The following EPS8 variants were observed in gnomAD, a reference collection of about 807,000 sequenced individuals.
EPS8 encodes EGFR pathway substrate 8, signaling adaptor.
EPS8 carries 42 observed loss-of-function variants against 103.8 expected under a neutral mutation model. That is an observed-to-expected ratio of 0.40 (90% CI 0.32 to 0.52). The LOEUF (loss-of-function observed/expected upper bound fraction) is 0.52. EPS8 is among the 20% of genes least tolerant of loss of function. The pLI is 0.40. For missense variants in EPS8, 969 were observed against 1,005.1 expected, an observed-to-expected ratio of 0.96 and a Z score of 0.49; for synonymous variants, 344 against 344.6, an observed-to-expected ratio of 1.00 and a Z score of 0.02.
intron 1 of EPS8, among the ~76,000 whole-genome samples, chr12:15,692,832 A>C (rs1030051288): frequency 9.9e-5 from 15 of 151,660 alleles, no homozygotes; most frequent in African/African-American, 3.2e-4. Context: ...ATTTTTCAGG[A>C]GTACATTTTT....
chr12:15,624,423 G>A lies in EPS8; in HGVS notation c.2045-16C>T, dbSNP rs1944911163. ...GATTTCCTTCCTAGACACCAACAGG[G>A]AGTAGGTTCTTTTTGAAAATCCCTA... On this transcript the variant is annotated splice_polypyrimidine_tract_variant and intron_variant, in intron 18 of 20. Coordinates refer to ENST00000281172, the MANE Select transcript of EPS8 (RefSeq NM_004447.6). 8 of 1,526,814 alleles carry A rather than the reference G, an allele frequency of 5.2e-6. No individual in the cohort carries two copies. Among genetic ancestry groups the A allele is most frequent in the Non-Finnish European group, 7.0e-6 (8 of 1,135,992 alleles). The allele number at this position is 1,526,814 out of a possible 1,614,324, so 94.6% of individuals were successfully genotyped here.
chr12:15,661,210 C>T (rs1037887669), intron 9 of EPS8, among the ~76,000 whole-genome samples: 1 of 152,120 alleles, frequency 6.6e-6, no homozygotes, highest in Non-Finnish European at 1.5e-5. Context: ...AGAGTTTCCA[C>T]ATGACAAAAT....
rs1246550567 is a variant in EPS8 at position 15,713,007 on chromosome 12, A to C, written c.-21-30035T>G. ...TTTCGGCATTGTACTGTACCAAACA[A>C]AATTTCTGATTTGGTTTCTCTAGGG... On this transcript the variant is annotated intron_variant, in intron 1 of 20. Transcript: ENST00000281172. The surrounding 1 kb of genome is among the most constrained non-coding windows in gnomAD (Gnocchi z 4.8). 1.0e-6 allele frequency: 1 copy of C among 985,156 alleles called. No homozygotes were observed. Among genetic ancestry groups the C allele is most frequent in the Non-Finnish European group, 1.2e-6 (1 of 829,806 alleles). 61.0% of individuals were successfully genotyped at this position (985,156 alleles called of 1,614,324 possible).
intron 8 of EPS8, chr12:15,665,089 C>T (rs1002026949): frequency 1.3e-5 from 2 of 152,072 alleles, no homozygotes; most frequent in Non-Finnish European, 2.9e-5. Flanking sequence ...ATATGACAAA[C>T]TTGTCCAAAA....
chr12:15,675,034 GAGAA>G (rs1945879921), intron 3 of EPS8, among the ~76,000 whole-genome samples: 1 of 152,136 alleles, frequency 6.6e-6, no homozygotes. Context: ...TAGACAAGAA[GAGAA>G]AGAAAGCTAG....
Position 15,776,272 on chromosome 12 carries a change from G to C in EPS8, c.-22+12889C>G, listed in dbSNP as rs1367904126. Among the ~76,000 whole-genome samples, 6 of 152,084 alleles carry C rather than the reference G, an allele frequency of 3.9e-5. No individual in the cohort carries two copies. The highest frequency in any genetic ancestry group is 7.4e-5 in the Non-Finnish European group (5 of 68,010). ...CTAGAAGCTTTTAAATGTAATTTTG[G>C]GGGGAAATAATACACTTCTGGCTGA... On this transcript the variant is annotated intron_variant, in intron 1 of 20. Transcript: ENST00000281172. This position sits in a 1 kb window ranked among gnomAD's most constrained non-coding sequence, Gnocchi z 4.2.
rs895984279 is a variant in EPS8 at position 15,748,771 on chromosome 12, T to C, written c.-22+40390A>G. On this transcript the variant is annotated intron_variant, in intron 1 of 20. Coordinates refer to ENST00000281172, the MANE Select transcript of EPS8 (RefSeq NM_004447.6). The surrounding 1 kb of genome is among the most constrained non-coding windows in gnomAD (Gnocchi z 4.8). ...CAATGTATAACAGATCTAAGCTTTT[T>C]CTCTTTTATTCACATATCCTCCTGA... is the stretch of plus-strand genomic sequence containing the variant. Among the ~76,000 whole-genome samples the C allele has an allele frequency of 6.6e-6, 1 of 152,178 alleles. No individual in the cohort carries two copies. Among genetic ancestry groups the C allele is most frequent in the Non-Finnish European group, 1.5e-5 (1 of 68,016 alleles).
rs901907170 is a variant in EPS8, at chr12:15,752,103, C to A, written c.-22+37058G>T. Among the ~76,000 whole-genome samples the A allele has an allele frequency of 1.3e-5, 2 of 152,170 alleles. No individual in the cohort carries two copies. The highest frequency in any genetic ancestry group is 2.4e-5 in the African/African-American group (1 of 41,430). ...CTGAGACACAAAGTTAATACAGAAT[C>A]ATTAGCAATGGTACTTGATATCAAG... On this transcript the variant is annotated intron_variant, in intron 1 of 20. Transcript: ENST00000281172. This position sits in a 1 kb window ranked among gnomAD's most constrained non-coding sequence, Gnocchi z 4.4.
At position 15,789,220 on chromosome 12, in the gene EPS8, G is replaced by A. The variant is rs1340131497; in HGVS notation, c.-81C>T. ...GAGACGCCGCGAGCCCAGACGAGGT[G>A]GGAGGGGACCGGGAGAAAGCCCCCC... On this transcript the variant is annotated 5_prime_UTR_variant, in exon 1 of 21. Coordinates refer to ENST00000281172, the MANE Select transcript of EPS8 (RefSeq NM_004447.6). This position sits in a 1 kb window ranked among gnomAD's most constrained non-coding sequence, Gnocchi z 6.1. The A allele has an allele frequency of 6.6e-6, 1 of 152,186 alleles. No individual in the cohort carries two copies. The highest frequency in any genetic ancestry group is 1.5e-5 in the Non-Finnish European group (1 of 68,062). The allele number at this position is 152,186 out of a possible 1,614,324, so 9.4% of individuals were successfully genotyped here.
intron 18 of EPS8, among the ~76,000 whole-genome samples, chr12:15,628,662 A>G (rs996984122): frequency 2.6e-5 from 4 of 152,212 alleles, no homozygotes; most frequent in Non-Finnish European, 5.9e-5. Flanking sequence ...GACTTCCACA[A>G]AAGGGCTTCA....
chr12:15,622,189 T>G (rs1276308565), intron 20 of EPS8, among the ~76,000 whole-genome samples: 1 of 152,270 alleles, frequency 6.6e-6, no homozygotes, highest in Non-Finnish European at 1.5e-5. Flanking sequence ...AATTATATAC[T>G]CTCAACAAAA....
chr12:15,656,753 T>C (rs1373128366), intron 12 of EPS8, among the ~76,000 whole-genome samples: 1 of 152,140 alleles, frequency 6.6e-6, no homozygotes, highest in South Asian at 2.1e-4. Flanking sequence ...AATTTTGATA[T>C]GTTTAAAACT....
intron 1 of EPS8, among the ~76,000 whole-genome samples, chr12:15,686,998 TAA>T (rs771162409): frequency 3.3e-4 from 51 of 152,280 alleles, no homozygotes; most frequent in Non-Finnish European, 6.2e-4. Context: ...TCTCCCAGTC[TAA>T]GTTACAACCA....
chr12:15,759,288 T>C lies in EPS8; in HGVS notation c.-22+29873A>G, dbSNP rs1247202361. ...TTAATTCAATTGGGAAGCTGAATAGTTTCTTGCCAAATAAATGTATATTAT... is the reference window on the plus strand; with the variant it reads ...TTAATTCAATTGGGAAGCTGAATAGCTTCTTGCCAAATAAATGTATATTAT... On this transcript the variant is annotated intron_variant, in intron 1 of 20. Coordinates refer to ENST00000281172, the MANE Select transcript of EPS8 (RefSeq NM_004447.6). This position sits in a 1 kb window ranked among gnomAD's most constrained non-coding sequence, Gnocchi z 4.9. Among the ~76,000 whole-genome samples the C allele has an allele frequency of 6.6e-6, 1 of 152,144 alleles. No homozygotes were observed. The highest frequency in any genetic ancestry group is 1.5e-5 in the Non-Finnish European group (1 of 67,986).
chr12:15,676,134 G>A (rs547231255), intron 3 of EPS8, among the ~76,000 whole-genome samples: 74 of 151,838 alleles, frequency 4.9e-4, no homozygotes, highest in Middle Eastern at 3.4e-3. Context: ...TTAGCCAGGC[G>A]TGGTGGCGGG....
chr12:15,689,031 T>C (rs1469174488), intron 1 of EPS8, among the ~76,000 whole-genome samples: 1 of 152,108 alleles, frequency 6.6e-6, no homozygotes, highest in African/African-American at 2.4e-5. Context: ...CACACCGACA[T>C]TGCATGCCCT....
intron 18 of EPS8, among the ~76,000 whole-genome samples, chr12:15,625,300 A>C: frequency 6.6e-6 from 1 of 152,054 alleles, no homozygotes; most frequent in South Asian, 2.1e-4. Flanking sequence ...TCAAATACTG[A>C]GTCATTTCTC....
chr12:15,734,865 G>A lies in EPS8; in HGVS notation c.-21-51893C>T, dbSNP rs1946753296. The stretch of plus-strand genomic sequence containing the variant: ...TACTTTCATATCGATGATCTCAATT[G>A]ATTCTTATAATATGTAAGCTGGAAG... On this transcript the variant is annotated intron_variant, in intron 1 of 20. Coordinates refer to ENST00000281172, the MANE Select transcript of EPS8 (RefSeq NM_004447.6). The surrounding 1 kb of genome is among the most constrained non-coding windows in gnomAD (Gnocchi z 4.1). 1.3e-5 allele frequency among the ~76,000 whole-genome samples: 2 copies of A among 152,228 alleles called. No individual in the cohort carries two copies. Among genetic ancestry groups the A allele is most frequent in the South Asian group, 4.1e-4 (2 of 4,824 alleles).
Position 15,684,585 on chromosome 12 carries a change from C to CA in EPS8, c.-21-1614dup, listed in dbSNP as rs1219033628. ...AGAGTTTATTGTATTCTTAGGGAAACAAAGTTAATTCATGTAAAACAAATA... is the reference window on the plus strand; with the variant it reads ...AGAGTTTATTGTATTCTTAGGGAAACAAAAGTTAATTCATGTAAAACAAATA... On this transcript the variant is annotated intron_variant, in intron 1 of 20. Coordinates refer to ENST00000281172, the MANE Select transcript of EPS8 (RefSeq NM_004447.6). The surrounding 1 kb of genome is among the most constrained non-coding windows in gnomAD (Gnocchi z 4.9). 1.3e-5 allele frequency among the ~76,000 whole-genome samples: 2 copies of CA among 152,060 alleles called. No homozygotes were observed.
Sources: gnomAD v4.1 joint callset for allele counts (sites outside exome capture counted in the v4.1 genomes callset) on GRCh38, gnomAD v4.1.1 for gene constraint, Gnocchi (gnomAD v3.1) non-coding constraint, MANE v1.5 for transcripts, NCBI Gene and HGNC (gene_info 2026-07-23, HGNC 2026-07-21) for gene names.